Variants in MAP4 observed in about 807,000 individuals in gnomAD.
The protein encoded by MAP4 is microtubule-associated protein 4.
Under a neutral mutation model 170.2 loss-of-function variants are expected in MAP4, and 76 were observed. The observed-to-expected ratio is 0.45, with a 90% confidence interval of 0.37 to 0.54. The LOEUF is 0.54. Ranked by LOEUF, MAP4 falls within the 20% of genes least tolerant of loss-of-function variation. The pLI is 0.00. For missense variants in MAP4, 2,506 were observed against 2,748.0 expected (o/e 0.91, Z 1.97); for synonymous variants, 909 against 994.5 (o/e 0.91, Z 1.62).
chr3:47,904,747 C>G (rs2100031978), intron 9 of MAP4, among the ~76,000 whole-genome samples: 1 of 151,940 alleles, frequency 6.6e-6, no homozygotes. Flanking sequence ...CTTACTGGAA[C>G]CTCTGCCTCT....
intron 1 of MAP4, among the ~76,000 whole-genome samples, chr3:48,075,500 C>A (rs1231163659): frequency 1.3e-5 from 2 of 151,932 alleles, no homozygotes; most frequent in Non-Finnish European, 2.9e-5. Context: ...GCACTCCAGC[C>A]TGGGCAACGG....
chr3:47,872,116 T>C lies in MAP4; in HGVS notation c.5758-16A>G, dbSNP rs773570347. ...CTGCAATGGGCTGGAAATAGGAAAG[T>C]GGGAATGAGGCCTGCAGGTCAGCAA... On this transcript the variant is annotated splice_polypyrimidine_tract_variant and intron_variant, in intron 12 of 20. Transcript: ENST00000683076. 1.9e-6 allele frequency: 3 copies of C among 1,597,592 alleles called. No individual in the cohort carries two copies. The highest frequency in any genetic ancestry group is 2.6e-6 in the Non-Finnish European group (3 of 1,169,906).
At chr3:48,074,725 T>TGTGTGTGTGTGTGTGTGTGTGTGTGTGA (rs756153345) in intron 1 of MAP4, among the ~76,000 whole-genome samples, 3 of 147,326 alleles carry the variant, frequency 2.0e-5, no homozygotes, top group African/African-American at 2.5e-5. Context: ...TGTGTGTGTG[T>TGTGTGTGTGTGTGTGTGTGTGTGTGTGA]GATATGTCGG....
intron 8 of MAP4, among the ~76,000 whole-genome samples, chr3:47,912,959 C>T (rs1277820263): frequency 6.6e-6 from 1 of 152,140 alleles, no homozygotes; most frequent in African/African-American, 2.4e-5. Flanking sequence ...AGACTTAAGT[C>T]ACTTCACGCA....
intron 10 of MAP4, among the ~76,000 whole-genome samples, chr3:47,878,008 A>G (rs562281667): frequency 6.6e-6 from 1 of 152,342 alleles, no homozygotes; most frequent in African/African-American, 2.4e-5. Context: ...AACCTGATCC[A>G]GTTCTAACAG....
chr3:47,871,803 G>T, intron 13 of MAP4, 114 bp downstream of exon 13: 1 of 1,009,616 alleles, frequency 9.9e-7, no homozygotes, highest in Non-Finnish European at 1.5e-6. Flanking sequence ...AAGGACCGGT[G>T]CGTAAGCAGG....
At chr3:48,049,718 G>A (rs1384486045) in intron 1 of MAP4, among the ~76,000 whole-genome samples, 1 of 151,846 alleles carries the variant, frequency 6.6e-6, no homozygotes, top group Non-Finnish European at 1.5e-5. Context: ...GGATCGCGAC[G>A]TCAGGAGTTT....
chr3:48,050,097 T>C (rs2154548205), intron 1 of MAP4, among the ~76,000 whole-genome samples: 1 of 149,338 alleles, frequency 6.7e-6, no homozygotes, highest in Non-Finnish European at 1.5e-5. Flanking sequence ...CCGTCTCTAC[T>C]AAAAATACAA....
intron 3 of MAP4, among the ~76,000 whole-genome samples, chr3:47,936,447 A>G (rs2100052878): frequency 6.6e-6 from 1 of 151,858 alleles, no homozygotes; most frequent in South Asian, 2.1e-4. Context: ...AAAAGAAAAG[A>G]AAAAAGGGGG....
intron 2 of MAP4, among the ~76,000 whole-genome samples, chr3:47,979,713 G>T (rs550676261): frequency 6.6e-6 from 1 of 152,076 alleles, no homozygotes; most frequent in African/African-American, 2.4e-5. Context: ...CGCCTGCTTC[G>T]GCCTCCCAAA....
At chr3:48,042,299 T>G (rs2100122021) in intron 1 of MAP4, among the ~76,000 whole-genome samples, 1 of 152,192 alleles carries the variant, frequency 6.6e-6, no homozygotes, top group Admixed American at 6.5e-5. Context: ...AAATGACTGC[T>G]TGCTTGCCTG....
chr3:47,919,467 C>T (rs1371477041), intron 5 of MAP4, among the ~76,000 whole-genome samples: 11 of 152,098 alleles, frequency 7.2e-5, no homozygotes, highest in Non-Finnish European at 1.6e-4. Flanking sequence ...ACCACCACAC[C>T]TGGCTAATTT....
At chr3:48,062,238 C>T (rs2100136013) in intron 1 of MAP4, among the ~76,000 whole-genome samples, 1 of 152,122 alleles carries the variant, frequency 6.6e-6, no homozygotes, top group Non-Finnish European at 1.5e-5. Context: ...TGTGTCCACT[C>T]AGGGTTAAAT....
intron 10 of MAP4, among the ~76,000 whole-genome samples, chr3:47,881,710 G>A (rs1177763297): frequency 6.6e-6 from 1 of 150,978 alleles, no homozygotes; most frequent in Non-Finnish European, 1.5e-5. Context: ...CGGTTCAAGT[G>A]ATCCTCCTAC....
Position 47,902,976 on chromosome 3 carries a change from T to C in MAP4, c.5408A>G (p.Tyr1803Cys), listed in dbSNP as rs765080978. 3.4e-4 allele frequency: 338 copies of C among 985,066 alleles called. No individual in the cohort carries two copies. The highest frequency in any genetic ancestry group is 3.8e-4 in the Non-Finnish European group (316 of 829,784). 61.0% of individuals were successfully genotyped at this position (985,066 alleles called of 1,614,324 possible). Residue 1803 changes from tyrosine (Y) to cysteine (C), a missense_variant, in exon 10 of 21, where the codon TAC becomes TGC. Physicochemically the swap from Tyr to Cys is radical, Grantham distance 194. This residue lies in a region of MAP4 where 2,008 missense variants were observed against 2,206.0 expected (regional missense o/e 0.91). Coordinates refer to ENST00000683076, the MANE Select transcript of MAP4 (RefSeq NM_001385682.1). ...SAVCLSSSTV[Y>C]QQLGMSVYGI... ...ATAAACTGACATTCCCAGCTGCTGG[T>C]AGACAGTTGATGAGCTCAAGCAAAC...
chr3:47,915,872 T>G lies in MAP4; in HGVS notation c.1876+79A>C, dbSNP rs1039357444. On this transcript the variant is annotated intron_variant, in intron 7 of 20. Coordinates refer to ENST00000683076, the MANE Select transcript of MAP4 (RefSeq NM_001385682.1). ...ACAGTGTGACTGTCTGTACTTTACC[T>G]GGCATGATGTTTGTCCTTAGTCTTC... 6.1e-6 allele frequency: 9 copies of G among 1,471,668 alleles called. No individual in the cohort carries two copies. In the Admixed American group the frequency reaches 1.2e-4, roughly 20 times the overall value. The allele number at this position is 1,471,668 out of a possible 1,614,324, so 91.2% of individuals were successfully genotyped here. A position where few individuals can be genotyped will look rare whatever the true frequency, so the allele number is the denominator to read the frequency against.
chr3:48,059,272 T>C (rs894864127), intron 1 of MAP4, among the ~76,000 whole-genome samples: 1 of 151,708 alleles, frequency 6.6e-6, no homozygotes, highest in Non-Finnish European at 1.5e-5. Context: ...CCCAACACTT[T>C]GGGAGGCCAA....
chr3:48,004,347 T>A (rs1234859897), intron 1 of MAP4, among the ~76,000 whole-genome samples: 1 of 152,222 alleles, frequency 6.6e-6, no homozygotes, highest in African/African-American at 2.4e-5. Flanking sequence ...CACTCCTGAT[T>A]CACTGCTCAT....
chr3:47,979,861 G>A (rs1381181840), intron 2 of MAP4, among the ~76,000 whole-genome samples: 1 of 152,038 alleles, frequency 6.6e-6, no homozygotes, highest in Non-Finnish European at 1.5e-5. Flanking sequence ...GTCTCATTCT[G>A]TCACTCAGGC....
Sources: gnomAD v4.1 joint callset for allele counts (sites outside exome capture counted in the v4.1 genomes callset) on GRCh38, gnomAD v4.1.1 for gene constraint, gnomAD v4.1.1 regional missense constraint, MANE v1.5 for transcripts, NCBI Gene and HGNC (gene_info 2026-07-23, HGNC 2026-07-21) for gene names.